ADGRL3: variants seen among roughly 807,000 people sequenced by gnomAD.
ADGRL3 encodes adhesion G protein-coupled receptor L3.
ADGRL3 carries 62 observed loss-of-function variants against 153.5 expected under a neutral mutation model. The observed-to-expected ratio is 0.40, with a 90% confidence interval of 0.33 to 0.50. ADGRL3 has a LOEUF of 0.50. Among genes scored for constraint, ADGRL3 ranks in the 20% least tolerant of loss-of-function variants. ADGRL3 has a pLI of 0.47. For missense variants in ADGRL3, 1,641 were observed against 1,859.4 expected (o/e 0.88, Z 2.16); for synonymous variants, 710 against 672.5 (o/e 1.06, Z -0.86).
chr4:61,915,545 A>T (rs1265603281), intron 13 of ADGRL3, among the ~76,000 whole-genome samples: 1 of 152,068 alleles, frequency 6.6e-6, no homozygotes, highest in African/African-American at 2.4e-5. Flanking sequence ...TCTGGTGGAA[A>T]ATTAATAGCA....
intron 1 of ADGRL3, among the ~76,000 whole-genome samples, chr4:61,331,185 TG>T (rs1285170229): frequency 6.6e-6 from 1 of 152,220 alleles, no homozygotes; most frequent in East Asian, 1.9e-4. Context: ...CATGCATTTT[TG>T]TGCACAACAA....
chr4:61,640,392 G>C (rs1466191208), intron 5 of ADGRL3, among the ~76,000 whole-genome samples: 1 of 152,114 alleles, frequency 6.6e-6, no homozygotes, highest in East Asian at 1.9e-4. Flanking sequence ...TTGCCCCAAA[G>C]ATCCCTGTTT....
chr4:61,517,257 C>G, intron 3 of ADGRL3, 58 bp from the exon 4 acceptor site: 1 of 691,448 alleles, frequency 1.4e-6, no homozygotes, highest in Non-Finnish European at 2.6e-6. Flanking sequence ...ACCAGGGCTC[C>G]CCTGAGGCGG....
intron 1 of ADGRL3, among the ~76,000 whole-genome samples, chr4:61,218,750 TAAAG>T (rs1744042219): frequency 6.6e-6 from 1 of 152,138 alleles, no homozygotes; most frequent in African/African-American, 2.4e-5. Context: ...TTTCAAGGCT[TAAAG>T]AAAGGAGCTC....
chr4:61,808,416 G>A (rs988370346), intron 8 of ADGRL3, among the ~76,000 whole-genome samples: 11 of 152,126 alleles, frequency 7.2e-5, no homozygotes, highest in East Asian at 1.9e-4. Flanking sequence ...TTTATGTTTC[G>A]GATAAGTCAA....
intron 2 of ADGRL3, among the ~76,000 whole-genome samples, chr4:61,392,769 T>A (rs899955794): frequency 6.9e-6 from 1 of 144,916 alleles, no homozygotes; most frequent in African/African-American, 2.5e-5. Context: ...AAATATATTC[T>A]AACAAATTTG....
intron 9 of ADGRL3, among the ~76,000 whole-genome samples, chr4:61,841,133 G>A (rs138975060): frequency 6.6e-5 from 10 of 151,992 alleles, no homozygotes; most frequent in South Asian, 2.1e-4. Context: ...TTCTTTCTTC[G>A]TCTCTTGCCA....
At chr4:61,550,702 A>G (rs988807459) in intron 4 of ADGRL3, among the ~76,000 whole-genome samples, 1 of 152,016 alleles carries the variant, frequency 6.6e-6, no homozygotes, top group African/African-American at 2.4e-5. Flanking sequence ...TGGCAGATCA[A>G]TGATACTGGT....
chr4:61,233,064 T>C (rs1751422182), intron 1 of ADGRL3, among the ~76,000 whole-genome samples: 1 of 152,222 alleles, frequency 6.6e-6, no homozygotes, highest in African/African-American at 2.4e-5. Flanking sequence ...GATTTACTTA[T>C]ATTACAATTA....
intron 1 of ADGRL3, among the ~76,000 whole-genome samples, chr4:61,266,169 C>A (rs948224755): frequency 6.6e-6 from 1 of 151,732 alleles, no homozygotes; most frequent in African/African-American, 2.4e-5. Flanking sequence ...GGGCTTTCTG[C>A]TTCATGCCTC....
chr4:61,800,999 A>G (rs1324095613), intron 8 of ADGRL3, among the ~76,000 whole-genome samples: 1 of 152,124 alleles, frequency 6.6e-6, no homozygotes, highest in South Asian at 2.1e-4. Context: ...CTGCAATTTG[A>G]TCAGGTTGAA....
At chr4:62,066,491 T>G (rs1743054284) in intron 25 of ADGRL3, among the ~76,000 whole-genome samples, 1 of 152,014 alleles carries the variant, frequency 6.6e-6, no homozygotes, top group Admixed American at 6.6e-5. Context: ...GAATTTGGAG[T>G]CTATCTGGAA....
At chr4:61,350,421 A>C (rs1215891102) in intron 1 of ADGRL3, among the ~76,000 whole-genome samples, 1 of 149,000 alleles carries the variant, frequency 6.7e-6, no homozygotes, top group Non-Finnish European at 1.5e-5. Context: ...TAAATTTAAG[A>C]GCAGTGATAT....
intron 8 of ADGRL3, among the ~76,000 whole-genome samples, chr4:61,770,684 G>T (rs1161745993): frequency 6.6e-6 from 1 of 152,122 alleles, no homozygotes; most frequent in African/African-American, 2.4e-5. Flanking sequence ...GTAAGACAAT[G>T]GTAGTTGTTT....
chr4:61,978,179 A>G (rs2099054554), intron 17 of ADGRL3, among the ~76,000 whole-genome samples: 1 of 152,204 alleles, frequency 6.6e-6, no homozygotes, highest in African/African-American at 2.4e-5. Flanking sequence ...TCAATTAGAA[A>G]GACAACTCCT....
At chr4:61,392,999 T>C (rs1005989683) in intron 2 of ADGRL3, among the ~76,000 whole-genome samples, 3 of 152,094 alleles carry the variant, frequency 2.0e-5, no homozygotes, top group Non-Finnish European at 4.4e-5. Context: ...TACACAATTT[T>C]CGAATGTGGT....
chr4:61,444,562 TAA>T (rs961022056), intron 2 of ADGRL3, among the ~76,000 whole-genome samples: 1 of 151,642 alleles, frequency 6.6e-6, no homozygotes. Context: ...ATCATCCACT[TAA>T]AAAAAAATTC....
At chr4:61,746,187 G>A (rs530140053) in intron 8 of ADGRL3, among the ~76,000 whole-genome samples, 2 of 152,110 alleles carry the variant, frequency 1.3e-5, no homozygotes, top group South Asian at 2.1e-4. Flanking sequence ...CCCAACACAG[G>A]AGCACCCAGA....
Position 61,341,328 on chromosome 4 carries a change from A to T in ADGRL3, c.-239-41796A>T, listed in dbSNP as rs1347172828. ...TATTTTCCTTTGAGTAAACTTTATTAGTATATTATTATACAAGTAATTCAT... is the reference window on the plus strand; with the variant it reads ...TATTTTCCTTTGAGTAAACTTTATTTGTATATTATTATACAAGTAATTCAT... On this transcript the variant is annotated intron_variant, in intron 1 of 26. Transcript: ENST00000683033. Among the ~76,000 whole-genome samples, 5 of 151,986 alleles carry T rather than the reference A, an allele frequency of 3.3e-5. No individual in the cohort carries two copies. In the South Asian group the frequency reaches 1.0e-3, roughly 31 times the overall value.
Sources: gnomAD v4.1 joint callset for allele counts (sites outside exome capture counted in the v4.1 genomes callset) on GRCh38, gnomAD v4.1.1 for gene constraint, MANE v1.5 for transcripts, NCBI Gene and HGNC (gene_info 2026-07-23, HGNC 2026-07-21) for gene names.